The following FCHSD1 variants were observed in gnomAD, a reference collection of about 807,000 sequenced individuals.
FCHSD1 encodes FCH and double SH3 domains 1.
FCHSD1 carries 109 observed loss-of-function variants against 101.3 expected under a neutral mutation model. That is an observed-to-expected ratio of 1.08 (90% CI 0.92 to 1.26). The LOEUF (loss-of-function observed/expected upper bound fraction) is 1.26. Among genes scored for constraint, FCHSD1 ranks in the 50% most tolerant of loss-of-function variants. The pLI is 0.00. For synonymous variants in FCHSD1, 291 were observed against 356.8 expected (o/e 0.82, Z 2.08); for missense variants, 820 against 895.8 (o/e 0.92, Z 1.08).
chr5:141,649,463 C>A lies in FCHSD1; in HGVS notation c.307G>T (p.Ala103Ser), dbSNP rs769123664. 2 of 1,613,972 alleles carry A rather than the reference C, an allele frequency of 1.2e-6. No individual in the cohort carries two copies. Among genetic ancestry groups the A allele is most frequent in the Middle Eastern group, 3.3e-4 (2 of 6,062 alleles). Residue 103 changes from alanine (A) to serine (S), a missense_variant, in exon 5 of 20, where the codon GCG becomes TCG. Physicochemically the swap from Ala to Ser is moderately conservative, Grantham distance 99. Coordinates refer to ENST00000435817, the MANE Select transcript of FCHSD1 (RefSeq NM_033449.3). This position sits in a 1 kb window ranked among gnomAD's most constrained non-coding sequence, Gnocchi z 4.1. The part of the protein sequence containing the change: ...TVAGGQTRLQ[A>S]SDRYRDLAGG... ...GCTAGGTCACGGTATCGGTCAGACG[C>A]CTGGAGTCGGGTTTGGCCCCCAGCC... is the stretch of plus-strand genomic sequence containing the variant.
chr5:141,646,495 C>G (rs1214586219), intron 11 of FCHSD1, 108 bp downstream of exon 11: 1 of 1,457,182 alleles, frequency 6.9e-7, no homozygotes, highest in Admixed American at 2.3e-5. Flanking sequence ...ATACCTTTCC[C>G]TCCCCTCTGT....
At chr5:141,645,636 T>C (rs770181535) in intron 13 of FCHSD1, 135 bp downstream of exon 13, 9 of 1,053,674 alleles carry the variant, frequency 8.5e-6, no homozygotes, top group South Asian at 3.5e-5. Context: ...AAGAATGATA[T>C]ATGATGATTT....
Position 141,641,328 on chromosome 5 carries a change from G to C in FCHSD1, c.*170C>G. 1 of 543,302 alleles carries C rather than the reference G, an allele frequency of 1.8e-6. No individual in the cohort carries two copies. The allele number at this position is 543,302 out of a possible 1,614,324, so 33.7% of individuals were successfully genotyped here. A position where few individuals can be genotyped will look rare whatever the true frequency, so the allele number is the denominator to read the frequency against. On this transcript the variant is annotated 3_prime_UTR_variant, in exon 20 of 20. Coordinates refer to ENST00000435817, the MANE Select transcript of FCHSD1 (RefSeq NM_033449.3). Reference sequence around the variant, plus strand: ...ATAGAACAATGGGAAAAAAAGGAGTGGGTTCCAGCTCTAGAAATGGGAAGG... The same window carrying C: ...ATAGAACAATGGGAAAAAAAGGAGTCGGTTCCAGCTCTAGAAATGGGAAGG...
chr5:141,642,549 A>G, intron 18 of FCHSD1: 1 of 485,138 alleles, frequency 2.1e-6, no homozygotes, highest in Non-Finnish European at 3.5e-6. Context: ...TTTAAAAAAG[A>G]AAAAAAGTGG....
Position 141,639,590 on chromosome 5 carries a change from C to T in FCHSD1, c.*1908G>A, listed in dbSNP as rs756107881. ...GGCCTCCACTTGTCCGTCAGGGACG[C>T]TCCAAGGAAGGAAAAAGCCGCCCCC... is the stretch of plus-strand genomic sequence containing the variant. On this transcript the variant is annotated 3_prime_UTR_variant, in exon 20 of 20. Coordinates refer to ENST00000435817, the MANE Select transcript of FCHSD1 (RefSeq NM_033449.3). This position sits in a 1 kb window ranked among gnomAD's most constrained non-coding sequence, Gnocchi z 4.4. The T allele has an allele frequency of 6.2e-7, 1 of 1,613,988 alleles. No individual in the cohort carries two copies. The highest frequency in any genetic ancestry group is 8.5e-7 in the Non-Finnish European group (1 of 1,180,004).
Position 141,640,951 on chromosome 5 carries a change from G to C in FCHSD1, c.*547C>G, listed in dbSNP as rs1428212892. 2.0e-6 allele frequency: 1 copy of C among 505,496 alleles called. No individual in the cohort carries two copies. Among genetic ancestry groups the C allele is most frequent in the Admixed American group, 3.6e-5 (1 of 27,938 alleles). The allele number at this position is 505,496 out of a possible 1,614,324, so 31.3% of individuals were successfully genotyped here. On this transcript the variant is annotated 3_prime_UTR_variant, in exon 20 of 20. Transcript: ENST00000435817. ...TGGGAGCAGGCCCCTGCCCGTGGTG[G>C]GCCCCTAAAGCAATAGCACCGTAGG... is the stretch of plus-strand genomic sequence containing the variant.
At chr5:141,647,724 G>T in intron 8 of FCHSD1, 1 of 968,450 alleles carries the variant, frequency 1.0e-6, no homozygotes, top group Non-Finnish European at 1.5e-6. Flanking sequence ...CCCCACTAGT[G>T]CTATAAGATA....
rs755862357 is a variant in FCHSD1, at chr5:141,650,363, C to T, written c.161G>A (p.Gly54Glu). 5 of 1,613,778 alleles carry T rather than the reference C, an allele frequency of 3.1e-6. No individual in the cohort carries two copies. In the African/African-American group the frequency reaches 4.0e-5, roughly 13 times the overall value. ...GTCCAGAGAAAAGTCCCATACCTGC[C>T]CATACTCCCGTTCAATGGCTGCCCT... ...KQRAAIEREY[G>E]QALQKLAGPF... The change falls in exon 3 of 20, where the codon GGG (glycine) becomes GAG (glutamate). Residue 54 changes from glycine (G) to glutamate (E), a missense_variant. By Grantham distance (98) the Gly-to-Glu change is moderately conservative (BLOSUM62 -2). Transcript: ENST00000435817.
chr5:141,650,395 G>C lies in FCHSD1; in HGVS notation c.129C>G (p.Ser43Arg). Residue 43 changes from serine (S) to arginine (R), a missense_variant, in exon 3 of 20, where the codon AGC becomes AGG. Ser to Arg is a moderately radical substitution (Grantham distance 110, BLOSUM62 -1). Transcript: ENST00000435817. ...CCCGTTCAATGGCTGCCCTCTGCTT[G>C]CTGTAGGATCTGCGGAGATTGCAGG... ...ADLLEDIRSY[S>R]KQRAAIEREY... The C allele has an allele frequency of 6.2e-7, 1 of 1,613,946 alleles. No individual in the cohort carries two copies. Among genetic ancestry groups the C allele is most frequent in the Non-Finnish European group, 8.5e-7 (1 of 1,179,898 alleles).
chr5:141,643,266 C>T (rs947368594), intron 17 of FCHSD1, among the ~76,000 whole-genome samples, 178 bp from the exon 18 acceptor site: 2 of 151,590 alleles, frequency 1.3e-5, no homozygotes, highest in Non-Finnish European at 2.9e-5. Context: ...ATGTATTGAA[C>T]GCTTATGTTT....
chr5:141,643,043 T>C lies in FCHSD1; in HGVS notation c.1909A>G (p.Thr637Ala). 1 of 1,554,500 alleles carries C rather than the reference T, an allele frequency of 6.4e-7. No individual in the cohort carries two copies. The highest frequency in any genetic ancestry group is 8.7e-7 in the Non-Finnish European group (1 of 1,151,542). The change falls in exon 18 of 20, where the codon ACC (threonine) becomes GCC (alanine). Residue 637 changes from threonine (T) to alanine (A), a missense_variant. Thr to Ala is a moderately conservative substitution (Grantham distance 58). Coordinates refer to ENST00000435817, the MANE Select transcript of FCHSD1 (RefSeq NM_033449.3). ...GCAGGGGGCCCATCCAACACAGAGG[T>C]AGGTGCAGGTGGGGAGAAGCTGGGA... is the stretch of plus-strand genomic sequence containing the variant. Reference protein sequence around the residue: ...SPPSFSPPAPTSVLDGPPAPV... With the variant: ...SPPSFSPPAPASVLDGPPAPV...
chr5:141,649,333 C>T lies in FCHSD1; in HGVS notation c.376-25G>A. The T allele has an allele frequency of 6.2e-7, 1 of 1,613,984 alleles. No homozygotes were observed. Among genetic ancestry groups the T allele is most frequent in the Non-Finnish European group, 8.5e-7 (1 of 1,179,862 alleles). ...CCTATTGGGATGCATACACAAAGTC[C>T]TTACCTAGACCACCTTTGGTCCCAA... On this transcript the variant is annotated intron_variant, in intron 5 of 19. Transcript: ENST00000435817. This position sits in a 1 kb window ranked among gnomAD's most constrained non-coding sequence, Gnocchi z 4.1.
Position 141,649,562 on chromosome 5 carries a change from G to T in FCHSD1, c.234-26C>A. 1 of 1,603,900 alleles carries T rather than the reference G, an allele frequency of 6.2e-7. No homozygotes were observed. ...CTCCCCAGAGAAGGTCTGTGTTGAGGAGGAGAGCACTCCACAGCTTCATGA... is the reference window on the plus strand; with the variant it reads ...CTCCCCAGAGAAGGTCTGTGTTGAGTAGGAGAGCACTCCACAGCTTCATGA... On this transcript the variant is annotated intron_variant, in intron 4 of 19. Transcript: ENST00000435817. This position sits in a 1 kb window ranked among gnomAD's most constrained non-coding sequence, Gnocchi z 4.1.
chr5:141,646,693 G>A lies in FCHSD1; in HGVS notation c.954C>T (p.Gly318=), dbSNP rs776808802. 51 of 1,613,052 alleles carry A rather than the reference G, an allele frequency of 3.2e-5. No homozygotes were observed. The highest frequency in any genetic ancestry group is 1.6e-4 in the Middle Eastern group (1 of 6,080). The part of the protein sequence containing the change: ...QVCVLEWGAE[G]VAGKSGLEKE... ...TCTCCAGGCCACTCTTGCCAGCCACGCCTTCTGCTCCCCACTCCAGGACAC... is the reference window on the plus strand; with the variant it reads ...TCTCCAGGCCACTCTTGCCAGCCACACCTTCTGCTCCCCACTCCAGGACAC... Residue 318 remains glycine (G), a synonymous_variant, in exon 11 of 20, where the codon GGC becomes GGT. Coordinates refer to ENST00000435817, the MANE Select transcript of FCHSD1 (RefSeq NM_033449.3).
chr5:141,644,808 T>A, intron 15 of FCHSD1, 51 bp downstream of exon 15: 4 of 1,605,008 alleles, frequency 2.5e-6, no homozygotes, highest in Non-Finnish European at 3.4e-6. Context: ...CACAGAGAAG[T>A]CCCTCCTACT....
At position 141,639,978 on chromosome 5, in the gene FCHSD1, C is replaced by G. The variant is rs1171543217; in HGVS notation, c.*1520G>C. On this transcript the variant is annotated 3_prime_UTR_variant, in exon 20 of 20. Coordinates refer to ENST00000435817, the MANE Select transcript of FCHSD1 (RefSeq NM_033449.3). The surrounding 1 kb of genome is among the most constrained non-coding windows in gnomAD (Gnocchi z 4.4). ...ACTGCACGAACACCGTGATGGCTCC[C>G]CCACAGACAGGAGCTGGGGCTCTGG... The G allele has an allele frequency of 6.2e-7, 1 of 1,613,834 alleles. No homozygotes were observed. Among genetic ancestry groups the G allele is most frequent in the Non-Finnish European group, 8.5e-7 (1 of 1,180,000 alleles).
Position 141,640,769 on chromosome 5 carries a change from A to AGCTGG in FCHSD1, c.*728_*729insCCAGC. On this transcript the variant is annotated 3_prime_UTR_variant, in exon 20 of 20. Transcript: ENST00000435817. ...ACTGGACAGCACTGCCCCCCAGCTGAGGGACCAGCTCTACTTCCACCTGGA... is the reference window on the plus strand; with the variant it reads ...ACTGGACAGCACTGCCCCCCAGCTGAGCTGGGGGACCAGCTCTACTTCCACCTGGA... The AGCTGG allele has an allele frequency of 8.5e-7, 1 of 1,169,904 alleles. No individual in the cohort carries two copies. The highest frequency in any genetic ancestry group is 1.2e-6 in the Non-Finnish European group (1 of 839,858). 72.5% of individuals were successfully genotyped at this position (1,169,904 alleles called of 1,614,324 possible).
Position 141,649,444 on chromosome 5 carries a change from T to G in FCHSD1, c.326A>C (p.Asp109Ala), listed in dbSNP as rs369714142. 8.4e-5 allele frequency: 136 copies of G among 1,613,872 alleles called. No individual in the cohort carries two copies. Among genetic ancestry groups the G allele is most frequent in the Non-Finnish European group, 1.1e-4 (132 of 1,179,902 alleles). ...TRLQASDRYR[D>A]LAGGTGRSAK... ...GCTCCGCCCTGTACCCCCTGCTAGG[T>G]CACGGTATCGGTCAGACGCCTGGAG... The change falls in exon 5 of 20, where the codon GAC becomes GCC. Residue 109 changes from aspartate to alanine, a missense_variant. Asp to Ala is a moderately radical substitution (Grantham distance 126). Transcript: ENST00000435817. This position sits in a 1 kb window ranked among gnomAD's most constrained non-coding sequence, Gnocchi z 4.1.
At position 141,639,761 on chromosome 5, in the gene FCHSD1, G is replaced by A; in HGVS notation, c.*1737C>T. ...TCCTCCTGGACTGGGAGCTCCGGCAGAAGTCAGGCTACACAATGTGCCCCA... is the reference window on the plus strand; with the variant it reads ...TCCTCCTGGACTGGGAGCTCCGGCAAAAGTCAGGCTACACAATGTGCCCCA... On this transcript the variant is annotated 3_prime_UTR_variant, in exon 20 of 20. Coordinates refer to ENST00000435817, the MANE Select transcript of FCHSD1 (RefSeq NM_033449.3). The surrounding 1 kb of genome is among the most constrained non-coding windows in gnomAD (Gnocchi z 4.4). 7.7e-7 allele frequency: 1 copy of A among 1,295,324 alleles called. No individual in the cohort carries two copies. Among genetic ancestry groups the A allele is most frequent in the Non-Finnish European group, 1.1e-6 (1 of 926,222 alleles). 80.2% of individuals were successfully genotyped at this position (1,295,324 alleles called of 1,614,324 possible).
Sources: allele counts gnomAD v4.1 joint callset (sites outside exome capture counted in the v4.1 genomes callset), GRCh38; gene constraint gnomAD v4.1.1; non-coding constraint Gnocchi (gnomAD v3.1); transcripts MANE v1.5; gene names NCBI Gene and HGNC (gene_info 2026-07-23, HGNC 2026-07-21).